The following YIPF1 variants were observed in gnomAD, a reference collection of about 807,000 sequenced individuals.
YIPF1 encodes Yip1 domain family member 1, also known as protein YIPF1.
YIPF1 carries 22 observed loss-of-function variants against 37.0 expected under a neutral mutation model. The observed-to-expected ratio is 0.59, with a 90% CI of 0.42 to 0.85. The LOEUF is 0.85. Among genes scored for constraint, YIPF1 ranks in the 40% least tolerant of loss-of-function variants. The pLI, the probability that YIPF1 is intolerant of heterozygous loss-of-function variation, is 0.00. For missense variants in YIPF1, 355 were observed against 373.1 expected (o/e 0.95, Z 0.40); for synonymous variants, 128 against 131.9 (o/e 0.97, Z 0.21).
chr1:53,871,434 A>C lies in YIPF1; in HGVS notation c.419T>G (p.Leu140Arg), dbSNP rs755303598. 10 of 1,614,176 alleles carry C rather than the reference A, an allele frequency of 6.2e-6. No individual in the cohort carries two copies. In the South Asian group the frequency reaches 1.1e-4, roughly 18 times the overall value. The change falls in exon 7 of 11, where the codon CTT (leucine) becomes CGT (arginine). Residue 140 changes from leucine (L) to arginine (R), a missense_variant. Coordinates refer to ENST00000072644, the MANE Select transcript of YIPF1 (RefSeq NM_018982.5). ...TCCCAGATGGATCAAGAAGTTGGAA[A>C]GATTCCCACTAATTGCTATGGCAAA... ...LVFAIAISGN[L>R]SNFLIHLGEK...
chr1:53,863,062 A>T (rs1001838835), intron 9 of YIPF1, among the ~76,000 whole-genome samples: 1 of 152,168 alleles, frequency 6.6e-6, no homozygotes, highest in African/African-American at 2.4e-5. Context: ...CCCTTCCTCC[A>T]GAAAGAGAAA....
intron 4 of YIPF1, among the ~76,000 whole-genome samples, chr1:53,879,872 C>T (rs1251701934): frequency 1.3e-5 from 2 of 152,098 alleles, no homozygotes; most frequent in Non-Finnish European, 2.9e-5. Context: ...GCTCGACCCA[C>T]GGAGAATGAA....
intron 5 of YIPF1, 111 bp from the exon 6 acceptor site, chr1:53,878,513 G>C (rs1650395636): frequency 5.5e-6 from 8 of 1,448,958 alleles, no homozygotes; most frequent in Non-Finnish European, 7.6e-6. Context: ...ATTTTCAAAT[G>C]CTAATAACCC....
At chr1:53,853,650 G>A (rs1371808781) in intron 10 of YIPF1, among the ~76,000 whole-genome samples, 1 of 152,214 alleles carries the variant, frequency 6.6e-6, no homozygotes, top group Non-Finnish European at 1.5e-5. Flanking sequence ...GCTAAGGCAA[G>A]GGCTAACTGC....
intron 6 of YIPF1, among the ~76,000 whole-genome samples, chr1:53,876,274 G>A (rs10788964): frequency 0.42 from 63,680 of 151,908 alleles, 13,927 homozygotes; most frequent in East Asian, 0.57. Flanking sequence ...TTGGTTATAT[G>A]CATTGGAAGT....
chr1:53,860,224 A>G, intron 9 of YIPF1, 71 bp from the exon 10 acceptor site: 1 of 1,438,298 alleles, frequency 7.0e-7, no homozygotes, highest in Non-Finnish European at 9.7e-7. Flanking sequence ...TTTAGACTCC[A>G]TGCTAACAGT....
chr1:53,859,391 C>A (rs1459541187), intron 10 of YIPF1, among the ~76,000 whole-genome samples: 1 of 152,108 alleles, frequency 6.6e-6, no homozygotes, highest in Non-Finnish European at 1.5e-5. Flanking sequence ...TGGCCGGGCA[C>A]GGTGGCTCAC....
chr1:53,857,262 G>A (rs1418177536), intron 10 of YIPF1, among the ~76,000 whole-genome samples: 1 of 152,216 alleles, frequency 6.6e-6, no homozygotes, highest in African/African-American at 2.4e-5. Flanking sequence ...AGAGGAGCAA[G>A]CTAAGCTATC....
intron 10 of YIPF1, among the ~76,000 whole-genome samples, chr1:53,858,674 A>T (rs547325918): frequency 6.6e-6 from 1 of 152,058 alleles, no homozygotes; most frequent in Non-Finnish European, 1.5e-5. Flanking sequence ...TCTCTCTATC[A>T]TCCAGGCTAG....
At chr1:53,889,093 TG>T (rs1383896539) in intron 2 of YIPF1, 107 bp from the exon 3 acceptor site, 1 of 565,570 alleles carries the variant, frequency 1.8e-6, no homozygotes, top group African/African-American at 1.8e-5. Context: ...CCCTTTTCAG[TG>T]GGGTTTAATA....
At chr1:53,878,117 G>A (rs762117627) in intron 6 of YIPF1, among the ~76,000 whole-genome samples, 198 bp downstream of exon 6, 6 of 152,222 alleles carry the variant, frequency 3.9e-5, no homozygotes, top group Non-Finnish European at 8.8e-5. Flanking sequence ...ACTAGTACTT[G>A]TAATGATGAC....
intron 10 of YIPF1, among the ~76,000 whole-genome samples, chr1:53,853,533 C>T (rs1253982670): frequency 6.6e-6 from 1 of 152,196 alleles, no homozygotes; most frequent in African/African-American, 2.4e-5. Context: ...GAATAAGTTC[C>T]TAATGCATAG....
At chr1:53,869,839 G>C (rs1557605626) in intron 7 of YIPF1, among the ~76,000 whole-genome samples, 1 of 150,782 alleles carries the variant, frequency 6.6e-6, no homozygotes, top group Non-Finnish European at 1.5e-5. Context: ...TTCCCTTCCA[G>C]GCTTTGATCA....
intron 10 of YIPF1, among the ~76,000 whole-genome samples, chr1:53,858,231 T>G (rs997361292): frequency 1.3e-5 from 2 of 152,188 alleles, no homozygotes; most frequent in African/African-American, 4.8e-5. Context: ...CATTTTACAA[T>G]AGTTCCCAGT....
Position 53,871,426 on chromosome 1 carries a change from A to C in YIPF1, c.427T>G (p.Phe143Val). ...AIAISGNLSN[F>V]LIHLGEKTYH... ...GTCTTCTCTCCCAGATGGATCAAGA[A>C]GTTGGAAAGATTCCCACTAATTGCT... is the stretch of plus-strand genomic sequence containing the variant. Residue 143 changes from phenylalanine (F) to valine (V), a missense_variant, in exon 7 of 11, where the codon TTC becomes GTC. Phe to Val is a conservative substitution (Grantham distance 50). Transcript: ENST00000072644. 6.2e-7 allele frequency: 1 copy of C among 1,614,162 alleles called. No homozygotes were observed. Among genetic ancestry groups the C allele is most frequent in the South Asian group, 1.1e-5 (1 of 91,086 alleles).
At chr1:53,855,753 T>C (rs1354528910) in intron 10 of YIPF1, among the ~76,000 whole-genome samples, 1 of 152,214 alleles carries the variant, frequency 6.6e-6, no homozygotes, top group Non-Finnish European at 1.5e-5. Flanking sequence ...GTATATTCTA[T>C]GATATTGGCA....
chr1:53,865,910 G>A (rs115785560), intron 9 of YIPF1, among the ~76,000 whole-genome samples: 1 of 151,996 alleles, frequency 6.6e-6, no homozygotes, highest in Non-Finnish European at 1.5e-5. Flanking sequence ...AGCCTCCCAA[G>A]TACCAGCTAC....
chr1:53,889,003 G>A lies in YIPF1; in HGVS notation c.-49-17C>T. ...TGCAGGGTTCTAAAAGAAAAAAATA[G>A]GTAAACATAATAGGATGACAGTATA... On this transcript the variant is annotated splice_polypyrimidine_tract_variant and intron_variant, in intron 2 of 10. Transcript: ENST00000072644. The A allele has an allele frequency of 7.1e-7, 1 of 1,406,334 alleles. No homozygotes were observed. Among genetic ancestry groups the A allele is most frequent in the Admixed American group, 1.7e-5 (1 of 59,404 alleles). The allele number at this position is 1,406,334 out of a possible 1,614,324, so 87.1% of individuals were successfully genotyped here. A position where few individuals can be genotyped will look rare whatever the true frequency, so the allele number is the denominator to read the frequency against.
At position 53,860,004 on chromosome 1, in the gene YIPF1, C is replaced by A. The variant is rs1649822367; in HGVS notation, c.*8+52G>T. 7 of 1,572,348 alleles carry A rather than the reference C, an allele frequency of 4.5e-6. No individual in the cohort carries two copies. The South Asian group carries it at 5.6e-5, about 13-fold the overall frequency. ...AGCTAACACTAACAGAATTGATACA[C>A]CTGCCCATGTTTTATGGCACCACAC... is the stretch of plus-strand genomic sequence containing the variant. On this transcript the variant is annotated intron_variant, in intron 10 of 10. Coordinates refer to ENST00000072644, the MANE Select transcript of YIPF1 (RefSeq NM_018982.5).
Sources: gnomAD v4.1 joint callset for allele counts (sites outside exome capture counted in the v4.1 genomes callset) on GRCh38, gnomAD v4.1.1 for gene constraint, MANE v1.5 for transcripts, NCBI Gene and HGNC (gene_info 2026-07-23, HGNC 2026-07-21) for gene names.